Variants in ZNF565 observed in about 807,000 individuals in gnomAD.
ZNF565 encodes the protein zinc finger protein 565.
In ZNF565, 27 loss-of-function variants were observed where a neutral mutation model predicts 39.4. That is an observed-to-expected ratio of 0.69 (90% CI 0.51 to 0.95). The LOEUF is 0.95. Among genes scored for constraint, ZNF565 ranks in the 40% least tolerant of loss-of-function variants. The probability of loss-of-function intolerance (pLI) is 0.00; values close to 1 mark genes in which losing one functional copy is unlikely to be tolerated. For missense variants in ZNF565, 524 were observed against 621.1 expected (o/e 0.84, Z 1.66); for synonymous variants, 185 against 216.6 (o/e 0.85, Z 1.28).
chr19:36,182,982 G>C lies in ZNF565; in HGVS notation c.984C>G (p.Ile328Met). The C allele has an allele frequency of 6.2e-7, 1 of 1,613,992 alleles. No homozygotes were observed. The highest frequency in any genetic ancestry group is 1.1e-5 in the South Asian group (1 of 91,074). Residue 328 changes from isoleucine to methionine, a missense_variant, in exon 5 of 5, where the codon ATC (isoleucine) becomes ATG (methionine). By Grantham distance (10) the Ile-to-Met change is conservative. Transcript: ENST00000304116. ...QHSQLTVHQR[I>M]HTGEKPYECK... ...ACTCGTAGGGTTTCTCACCAGTGTGGATTCGCTGGTGTACAGTCAGCTGTG... is the reference window on the plus strand; with the variant it reads ...ACTCGTAGGGTTTCTCACCAGTGTGCATTCGCTGGTGTACAGTCAGCTGTG...
chr19:36,219,050 C>T (rs901522559), upstream of ZNF565, among the ~76,000 whole-genome samples: 6 of 152,042 alleles, frequency 3.9e-5, no homozygotes, highest in African/African-American at 1.4e-4. Context: ...CCTCGTGATC[C>T]GCCCACCTCG....
intron 2 of ZNF565, among the ~76,000 whole-genome samples, chr19:36,201,718 G>A (rs556713869): frequency 2.7e-4 from 41 of 152,024 alleles, no homozygotes; most frequent in African/African-American, 9.9e-4. Context: ...CAAGCAATCG[G>A]CCCACCTCAG....
chr19:36,194,382 C>A, intron 3 of ZNF565, 54 bp from the exon 4 acceptor site: 4 of 1,420,658 alleles, frequency 2.8e-6, no homozygotes, highest in Non-Finnish European at 3.8e-6. Flanking sequence ...AATCCAAACC[C>A]AGTTCCCTGG....
chr19:36,185,957 G>A (rs1164650394), intron 4 of ZNF565, among the ~76,000 whole-genome samples: 1 of 151,506 alleles, frequency 6.6e-6, no homozygotes, highest in Non-Finnish European at 1.5e-5. Context: ...GCCTCTCAAA[G>A]TGCTGGGATT....
At chr19:36,206,159 G>A (rs529664106) in intron 1 of ZNF565, among the ~76,000 whole-genome samples, 40 of 152,020 alleles carry the variant, frequency 2.6e-4, no homozygotes, top group Admixed American at 2.1e-3. Flanking sequence ...ACGGGGACTC[G>A]TCATGTTGGC....
chr19:36,200,128 C>A (rs928063169), intron 2 of ZNF565, among the ~76,000 whole-genome samples: 5 of 151,784 alleles, frequency 3.3e-5, no homozygotes, highest in Non-Finnish European at 7.4e-5. Flanking sequence ...CAGGTTCAAG[C>A]GATTCTCGTG....
chr19:36,242,673 C>G lies in ZNF565; in HGVS notation c.55+2803G>C, dbSNP rs1204457202. ...CTGGGAGGCGGAGGTTGCAGTGAGC[C>G]AAGATCATGCCACTGCACCCCAGCC... On this transcript the variant is annotated intron_variant, in intron 1 of 4. Coordinates refer to the ZNF565 transcript ENST00000355114. Among the ~76,000 whole-genome samples, 9 of 152,038 alleles carry G rather than the reference C, an allele frequency of 5.9e-5. 1 individual carries two copies. Among genetic ancestry groups the G allele is most frequent in the Admixed American group, 5.9e-4 (9 of 15,260 alleles).
intron 4 of ZNF565, among the ~76,000 whole-genome samples, chr19:36,185,068 A>G (rs565988111): frequency 1.2e-4 from 19 of 152,104 alleles, no homozygotes; most frequent in African/African-American, 4.6e-4. Flanking sequence ...CAGTGAGCCA[A>G]GATGGCACTA....
intron 1 of ZNF565, among the ~76,000 whole-genome samples, chr19:36,233,372 C>G (rs775484018): frequency 2.1e-4 from 32 of 152,264 alleles, no homozygotes; most frequent in Non-Finnish European, 3.7e-4. Flanking sequence ...TGGGTTTCCC[C>G]TCCACAGCTG....
intron 1 of ZNF565, chr19:36,237,326 C>T (rs1199011588): frequency 4.4e-6 from 7 of 1,578,142 alleles, no homozygotes; most frequent in African/African-American, 2.7e-5. Context: ...CTAAAAACCC[C>T]ATGAAAGCCT....
intron 1 of ZNF565, among the ~76,000 whole-genome samples, chr19:36,202,495 C>T (rs1976002663): frequency 6.6e-6 from 1 of 152,162 alleles, no homozygotes; most frequent in Admixed American, 6.6e-5. Flanking sequence ...GGCAGATGTG[C>T]TCCAGCACTG....
intron 1 of ZNF565, among the ~76,000 whole-genome samples, chr19:36,231,161 G>A (rs1599985195): frequency 6.6e-6 from 1 of 152,088 alleles, no homozygotes; most frequent in Admixed American, 6.6e-5. Context: ...CCAGGAGTTC[G>A]AGACCAGCCT....
intron 1 of ZNF565, chr19:36,238,765 A>G (rs888532390): frequency 6.0e-6 from 1 of 167,108 alleles, no homozygotes; most frequent in Non-Finnish European, 1.5e-5. Context: ...AAAGGACAGC[A>G]CAATCCAAAT....
At chr19:36,203,964 T>A (rs1355832692) in intron 1 of ZNF565, among the ~76,000 whole-genome samples, 1 of 151,866 alleles carries the variant, frequency 6.6e-6, no homozygotes, top group African/African-American at 2.4e-5. Flanking sequence ...TTTTTTTTTT[T>A]TTTGAAATGG....
rs1412233874 is a variant in ZNF565, at chr19:36,245,522, A to G, written c.9T>C (p.Arg3=). The change falls in exon 1 of 5, where the codon CGT becomes CGC. Residue 3 remains arginine (R), a synonymous_variant. Transcript: ENST00000355114. The surrounding 1 kb of genome is among the most constrained non-coding windows in gnomAD (Gnocchi z 4.4). ...CGAGGGACCACCTTTCCCAGGGTCC[A>G]CGGCGCATTTAGGTGGTGGCTTGCT... 1.0e-5 allele frequency: 7 copies of G among 702,052 alleles called. No individual in the cohort carries two copies. Among genetic ancestry groups the G allele is most frequent in the Admixed American group, 4.0e-5 (2 of 49,968 alleles). The allele number at this position is 702,052 out of a possible 1,614,324, so 43.5% of individuals were successfully genotyped here. A position where few individuals can be genotyped will look rare whatever the true frequency, so the allele number is the denominator to read the frequency against.
chr19:36,188,431 G>T (rs575989607), intron 4 of ZNF565, among the ~76,000 whole-genome samples: 1 of 151,798 alleles, frequency 6.6e-6, no homozygotes, highest in African/African-American at 2.4e-5. Flanking sequence ...AGATGAGGGG[G>T]CCGCATGTGG....
At chr19:36,236,878 T>C (rs982235410) in intron 1 of ZNF565, 1 of 1,614,018 alleles carries the variant, frequency 6.2e-7, no homozygotes, top group Admixed American at 1.7e-5. Context: ...TTACTGAGCA[T>C]GAGAAAATCC....
chr19:36,186,230 G>A (rs748744003), intron 4 of ZNF565, among the ~76,000 whole-genome samples: 2 of 152,002 alleles, frequency 1.3e-5, no homozygotes, highest in Non-Finnish European at 2.9e-5. Flanking sequence ...AACTCCTGAC[G>A]TCACGTGATC....
In ZNF565 at chr19:36,183,654, G is replaced by C; in HGVS notation, c.312C>G (p.Ser104Arg). ...AGCCCTCCAGGTCACTGCATTTAAG[G>C]CTTTCCATTATCTCCCAGTTGAATG... ...IGAFNWEIMESLKCSDLEGSD... is the reference protein window; with the variant it reads ...IGAFNWEIMERLKCSDLEGSD... Residue 104 changes from serine (S) to arginine (R), a missense_variant, in exon 5 of 5, where the codon AGC becomes AGG. Ser to Arg is a moderately radical substitution (Grantham distance 110). Coordinates refer to ENST00000304116, the MANE Select transcript of ZNF565 (RefSeq NM_152477.5). The C allele has an allele frequency of 6.2e-7, 1 of 1,614,058 alleles. No homozygotes were observed. The highest frequency in any genetic ancestry group is 8.5e-7 in the Non-Finnish European group (1 of 1,180,004).
Sources: allele counts gnomAD v4.1 joint callset (sites outside exome capture counted in the v4.1 genomes callset), GRCh38; gene constraint gnomAD v4.1.1; non-coding constraint Gnocchi (gnomAD v3.1); transcripts MANE v1.5; gene names NCBI Gene and HGNC (gene_info 2026-07-23, HGNC 2026-07-21).